Variants in LHPP observed in about 807,000 individuals in gnomAD.
The protein encoded by LHPP is hLHPP.
In LHPP, 24 loss-of-function variants were observed where a neutral mutation model predicts 30.3. That is an observed-to-expected ratio of 0.79 (90% CI 0.57 to 1.11). The LOEUF (loss-of-function observed/expected upper bound fraction) is 1.11. LHPP is among the 50% of genes most tolerant of loss of function. The probability of loss-of-function intolerance (pLI) is 0.00; values close to 1 mark genes in which losing one functional copy is unlikely to be tolerated. For synonymous variants in LHPP, 150 were observed against 157.1 expected, an observed-to-expected ratio of 0.95 and a Z score of 0.34; for missense variants, 356 against 367.2, an observed-to-expected ratio of 0.97 and a Z score of 0.25.
intron 5 of LHPP, among the ~76,000 whole-genome samples, chr10:124,506,724 GGGT>G (rs1954088142): frequency 1.3e-5 from 1 of 76,394 alleles, no homozygotes; most frequent in Non-Finnish European, 2.6e-5. Context: ...CAAGTGGGGT[GGGT>G]AAGGAGGATT....
chr10:124,496,873 C>A lies in LHPP; in HGVS notation c.468-88C>A. On this transcript the variant is annotated intron_variant, in intron 3 of 6. Transcript: ENST00000368842. This position sits in a 1 kb window ranked among gnomAD's most constrained non-coding sequence, Gnocchi z 4.3. Reference sequence around the variant, plus strand: ...CGGCTTGGCTCTGCAGCCAGCGGGACAGGCCCGGTGCTCAGCTCCCGATAC... The same window carrying A: ...CGGCTTGGCTCTGCAGCCAGCGGGAAAGGCCCGGTGCTCAGCTCCCGATAC... 1 of 1,218,764 alleles carries A rather than the reference C, an allele frequency of 8.2e-7. No homozygotes were observed. The highest frequency in any genetic ancestry group is 1.2e-6 in the Non-Finnish European group (1 of 846,518). The allele number at this position is 1,218,764 out of a possible 1,614,324, so 75.5% of individuals were successfully genotyped here.
At chr10:124,472,919 T>C (rs1308090399) in intron 1 of LHPP, among the ~76,000 whole-genome samples, 2 of 152,110 alleles carry the variant, frequency 1.3e-5, no homozygotes, top group Admixed American at 6.5e-5. Flanking sequence ...ATATCTGGGG[T>C]AGAGTCATAA....
intron 6 of LHPP, among the ~76,000 whole-genome samples, chr10:124,604,584 C>T (rs544457181): frequency 6.6e-5 from 10 of 152,254 alleles, no homozygotes; most frequent in African/African-American, 2.4e-4. Context: ...TAGAAATAAC[C>T]CCCCAGGCCC....
At chr10:124,611,239 C>T (rs563762981) in intron 6 of LHPP, among the ~76,000 whole-genome samples, 38 of 152,096 alleles carry the variant, frequency 2.5e-4, no homozygotes, top group Admixed American at 5.9e-4. Context: ...GCAGCAATGT[C>T]CAGCAGTGGT....
intron 6 of LHPP, among the ~76,000 whole-genome samples, chr10:124,551,574 C>T (rs937745363): frequency 6.6e-6 from 1 of 152,186 alleles, no homozygotes; most frequent in East Asian, 1.9e-4. Context: ...GGGAGGCCAT[C>T]CTCAGCAGGG....
At chr10:124,560,432 C>T (rs547756133) in intron 6 of LHPP, among the ~76,000 whole-genome samples, 114 of 152,316 alleles carry the variant, frequency 7.5e-4, no homozygotes, top group African/African-American at 1.1e-3. Flanking sequence ...GACCCATCTG[C>T]GTTTGCAATT....
chr10:124,479,503 C>T (rs140774823), intron 1 of LHPP, among the ~76,000 whole-genome samples: 136 of 152,348 alleles, frequency 8.9e-4, no homozygotes, highest in African/African-American at 3.0e-3. Flanking sequence ...TGACTGGGGA[C>T]TTCAACAGCA....
rs1954114470 is a variant in LHPP at position 124,506,969 on chromosome 10, TAGACAGGATTTCAGGTGAGGGGGGTA to T, written c.624+8842_624+8867del. On this transcript the variant is annotated intron_variant, in intron 5 of 6. Coordinates refer to ENST00000368842, the MANE Select transcript of LHPP (RefSeq NM_022126.4). ...GTAGGGAGGATTTCAGGTGGGCGGG[TAGACAGGATTTCAGGTGAGGGGGGTA>T]GGGAGGATTTCAGGTCGGGGGGTAG... is the stretch of plus-strand genomic sequence containing the variant. Among the ~76,000 whole-genome samples, 3 of 9,202 alleles carry T rather than the reference TAGACAGGATTTCAGGTGAGGGGGGTA, an allele frequency of 3.3e-4. 1 individual carries two copies. The highest frequency in any genetic ancestry group is 1.1e-3 in the African/African-American group (3 of 2,694). The allele number at this position is 9,202 out of a possible 152,430, so 6.0% of individuals were successfully genotyped here. A position where few individuals can be genotyped will look rare whatever the true frequency, so the allele number is the denominator to read the frequency against.
At chr10:124,503,072 A>T (rs1041814576) in intron 5 of LHPP, among the ~76,000 whole-genome samples, 5 of 150,620 alleles carry the variant, frequency 3.3e-5, no homozygotes, top group African/African-American at 1.2e-4. Context: ...TAATTCTTTT[A>T]TTTTTTTATT....
At position 124,581,605 on chromosome 10, in the gene LHPP, TG is replaced by T. The variant is rs374314416; in HGVS notation, c.717-31657del. On this transcript the variant is annotated intron_variant, in intron 6 of 6. Transcript: ENST00000368842. ...GTTTAATTCTAGCCATTCTAGTGGCTGGTGAAGTACTATCTCATTCAGATTT... is the reference window on the plus strand; with the variant it reads ...GTTTAATTCTAGCCATTCTAGTGGCTGTGAAGTACTATCTCATTCAGATTT... Among the ~76,000 whole-genome samples the T allele has an allele frequency of 3.5e-4, 54 of 152,332 alleles. No homozygotes were observed. In the East Asian group the frequency reaches 9.1e-3, roughly 26 times the overall value.
intron 6 of LHPP, among the ~76,000 whole-genome samples, chr10:124,606,986 C>T (rs7923479): frequency 0.64 from 96,648 of 152,096 alleles, 30,978 homozygotes; most frequent in Non-Finnish European, 0.64. Context: ...CCTCTTTTTC[C>T]GTTTCTGCCT....
At chr10:124,470,189 G>A (rs1398044553) in intron 1 of LHPP, among the ~76,000 whole-genome samples, 1 of 152,212 alleles carries the variant, frequency 6.6e-6, no homozygotes, top group Non-Finnish European at 1.5e-5. Flanking sequence ...GCAGAGGCCG[G>A]CCTCGGGGCC....
Position 124,496,499 on chromosome 10 carries a change from T to C in LHPP, c.468-462T>C, listed in dbSNP as rs1953713854. On this transcript the variant is annotated intron_variant, in intron 3 of 6. Transcript: ENST00000368842. This position sits in a 1 kb window ranked among gnomAD's most constrained non-coding sequence, Gnocchi z 4.3. ...CGGCTAACGGGATGCGGCAGGGTGC[T>C]GTGGAACTAATGGAGTTCTCTTCTT... Among the ~76,000 whole-genome samples the C allele has an allele frequency of 6.6e-6, 1 of 152,200 alleles. No individual in the cohort carries two copies. Among genetic ancestry groups the C allele is most frequent in the African/African-American group, 2.4e-5 (1 of 41,442 alleles).
intron 1 of LHPP, among the ~76,000 whole-genome samples, chr10:124,474,345 G>A (rs968626496): frequency 2.6e-5 from 4 of 151,824 alleles, no homozygotes; most frequent in Non-Finnish European, 5.9e-5. Flanking sequence ...TTGCCACGTT[G>A]CCCAGGCTGG....
Position 124,496,316 on chromosome 10 carries a change from A to T in LHPP, c.468-645A>T, listed in dbSNP as rs1352260777. Among the ~76,000 whole-genome samples, 1 of 152,050 alleles carries T rather than the reference A, an allele frequency of 6.6e-6. No individual in the cohort carries two copies. The highest frequency in any genetic ancestry group is 1.9e-4 in the East Asian group (1 of 5,174). ...GAGCCTGGCCGGGCTGCAGCCAGCCACCAAGCCAGCCCTGGGCTCAAAGAG... is the reference window on the plus strand; with the variant it reads ...GAGCCTGGCCGGGCTGCAGCCAGCCTCCAAGCCAGCCCTGGGCTCAAAGAG... On this transcript the variant is annotated intron_variant, in intron 3 of 6. Transcript: ENST00000368842. This position sits in a 1 kb window ranked among gnomAD's most constrained non-coding sequence, Gnocchi z 4.3.
At chr10:124,479,209 A>G (rs1017915428) in intron 1 of LHPP, among the ~76,000 whole-genome samples, 9 of 152,184 alleles carry the variant, frequency 5.9e-5, no homozygotes, top group East Asian at 5.8e-4. Flanking sequence ...AGGACCCTGC[A>G]GAAGGCCCCT....
chr10:124,604,363 C>G lies in LHPP; in HGVS notation c.717-8901C>G, dbSNP rs187970970. On this transcript the variant is annotated intron_variant, in intron 6 of 6. Coordinates refer to ENST00000368842, the MANE Select transcript of LHPP (RefSeq NM_022126.4). ...GGGCCTTCTGCCCACCTCACTGGGC[C>G]CCAGCAAGCTGCTGTCCTGAGGGTG... Among the ~76,000 whole-genome samples the G allele has an allele frequency of 1.7e-4, 26 of 152,304 alleles. No homozygotes were observed. The East Asian group carries it at 5.0e-3, about 29-fold the overall frequency.
intron 5 of LHPP, among the ~76,000 whole-genome samples, chr10:124,501,612 A>G (rs564140590): frequency 2.7e-4 from 40 of 150,922 alleles, no homozygotes; most frequent in Non-Finnish European, 4.4e-4. Flanking sequence ...AAAAAAAAAA[A>G]AAAAAAAAAG....
In LHPP at chr10:124,517,872, C is replaced by T. The variant is rs1220578229; in HGVS notation, c.716+601C>T. Reference sequence around the variant, plus strand: ...GCCCTGTGGTACCCAAGCTCCAGCTCGCCTGGTCATCGAGAGGATCTTGGA... The same window carrying T: ...GCCCTGTGGTACCCAAGCTCCAGCTTGCCTGGTCATCGAGAGGATCTTGGA... On this transcript the variant is annotated intron_variant, in intron 6 of 6. Coordinates refer to ENST00000368842, the MANE Select transcript of LHPP (RefSeq NM_022126.4). This position sits in a 1 kb window ranked among gnomAD's most constrained non-coding sequence, Gnocchi z 4.1. Among the ~76,000 whole-genome samples the T allele has an allele frequency of 1.3e-5, 2 of 152,156 alleles. No homozygotes were observed. Among genetic ancestry groups the T allele is most frequent in the East Asian group, 3.8e-4 (2 of 5,202 alleles).
Sources: allele counts gnomAD v4.1 joint callset (sites outside exome capture counted in the v4.1 genomes callset), GRCh38; gene constraint gnomAD v4.1.1; non-coding constraint Gnocchi (gnomAD v3.1); transcripts MANE v1.5; gene names NCBI Gene and HGNC (gene_info 2026-07-23, HGNC 2026-07-21).